Variants in PDE8B observed in about 807,000 individuals in gnomAD.
PDE8B encodes high affinity cAMP-specific and IBMX-insensitive 3',5'-cyclic phosphodiesterase 8B.
In PDE8B, 26 loss-of-function variants were observed where a neutral mutation model predicts 101.3. The observed-to-expected ratio is 0.26, with a 90% CI of 0.19 to 0.36. The LOEUF (loss-of-function observed/expected upper bound fraction) is 0.36. Ranked by LOEUF, PDE8B falls within the 10% of genes least tolerant of loss-of-function variation. The pLI is 1.00. For missense variants in PDE8B, 810 were observed against 1,163.1 expected, an observed-to-expected ratio of 0.70 and a Z score of 4.42; for synonymous variants, 424 against 429.3, an observed-to-expected ratio of 0.99 and a Z score of 0.15.
chr5:77,261,866 A>C (rs1168125747), intron 1 of PDE8B, among the ~76,000 whole-genome samples: 1 of 152,248 alleles, frequency 6.6e-6, no homozygotes, highest in Non-Finnish European at 1.5e-5. Flanking sequence ...GTGTGGATTC[A>C]GAGAAGTGCC....
chr5:77,281,079 GC>G, intron 1 of PDE8B, among the ~76,000 whole-genome samples: 1 of 152,330 alleles, frequency 6.6e-6, no homozygotes, highest in Non-Finnish European at 1.5e-5. Flanking sequence ...GCATGCGCAA[GC>G]CCCAGGCCAC....
intron 1 of PDE8B, among the ~76,000 whole-genome samples, chr5:77,277,928 A>G (rs891315269): frequency 6.6e-6 from 1 of 152,236 alleles, no homozygotes; most frequent in Non-Finnish European, 1.5e-5. Flanking sequence ...TAAGATGTAC[A>G]TAGAATGTAT....
the PDE8B span, among the ~76,000 whole-genome samples, chr5:77,191,736 C>T: frequency 4.6e-5 from 7 of 152,190 alleles, no homozygotes; most frequent in East Asian, 1.9e-4. Flanking sequence ...TTCCACAGAT[C>T]GAAGGTGGGG....
intron 1 of PDE8B, among the ~76,000 whole-genome samples, chr5:77,245,329 G>A (rs1280096851): frequency 6.6e-6 from 1 of 152,126 alleles, no homozygotes; most frequent in African/African-American, 2.4e-5. Context: ...TTTAGGGGGA[G>A]CATTAAAATA....
At chr5:77,287,553 G>A (rs147275340) in intron 1 of PDE8B, among the ~76,000 whole-genome samples, 170 of 144,104 alleles carry the variant, frequency 1.2e-3, no homozygotes, top group African/African-American at 4.2e-3. Flanking sequence ...TGTTCCTGAC[G>A]CGTTCTCTCT....
the PDE8B span, among the ~76,000 whole-genome samples, chr5:77,189,378 G>C: frequency 6.6e-6 from 1 of 152,128 alleles, no homozygotes; most frequent in African/African-American, 2.4e-5. Flanking sequence ...AGAGGAGAAA[G>C]GATGCAAGTG....
At position 77,406,596 on chromosome 5, in the gene PDE8B, G is replaced by A. The variant is rs373240711; in HGVS notation, c.1289-785G>A. Among the ~76,000 whole-genome samples, 643 of 152,232 alleles carry A rather than the reference G, an allele frequency of 4.2e-3. 3 individuals are homozygous for A. Among genetic ancestry groups the A allele is most frequent in the South Asian group, 9.1e-3 (44 of 4,820 alleles). On this transcript the variant is annotated intron_variant, in intron 12 of 21. Coordinates refer to ENST00000264917, the MANE Select transcript of PDE8B (RefSeq NM_003719.5). ...CTGCAATGGCTGCTGCACTAGCAGC[G>A]GGGGGACCCCAGAGGTGGCTGAGCA...
intron 8 of PDE8B, among the ~76,000 whole-genome samples, chr5:77,350,733 T>C (rs1261369422): frequency 1.3e-5 from 2 of 152,216 alleles, no homozygotes; most frequent in Non-Finnish European, 2.9e-5. Flanking sequence ...TAATGCCAAG[T>C]TCACAGATTG....
At position 77,308,479 on chromosome 5, in the gene PDE8B, C is replaced by T. The variant is rs143647906; in HGVS notation, c.340-3515C>T. ...AGAATGTCCCTTAGCAGCAACTTTA[C>T]AGCCCCACTTCCGGGCTCTGCTGTC... is the stretch of plus-strand genomic sequence containing the variant. On this transcript the variant is annotated intron_variant, in intron 1 of 21. Transcript: ENST00000264917. 2.1e-3 allele frequency among the ~76,000 whole-genome samples: 322 copies of T among 152,290 alleles called. 1 individual carries two copies. Among genetic ancestry groups the T allele is most frequent in the African/African-American group, 7.6e-3 (317 of 41,564 alleles).
intron 1 of PDE8B, among the ~76,000 whole-genome samples, chr5:77,272,836 G>T (rs912365977): frequency 2.6e-5 from 4 of 152,174 alleles, no homozygotes; most frequent in Admixed American, 2.6e-4. Context: ...AGGTTTCTGT[G>T]CTGGGAAGGG....
intron 1 of PDE8B, among the ~76,000 whole-genome samples, chr5:77,292,245 CTG>C (rs1767531614): frequency 6.6e-6 from 1 of 152,176 alleles, no homozygotes; most frequent in African/African-American, 2.4e-5. Flanking sequence ...GGTTCTCTGA[CTG>C]TGGCTGGGTG....
chr5:77,165,781 G>T, the PDE8B span, among the ~76,000 whole-genome samples: 1 of 152,008 alleles, frequency 6.6e-6, no homozygotes, highest in African/African-American at 2.4e-5. Context: ...CAAGCTGGGC[G>T]GATCACTTGA....
intron 1 of PDE8B, among the ~76,000 whole-genome samples, chr5:77,309,911 T>A (rs1465974409): frequency 1.4e-5 from 2 of 142,886 alleles, no homozygotes; most frequent in Non-Finnish European, 3.0e-5. Context: ...TGAGCCACCA[T>A]GCCCAACTGG....
chr5:77,166,226 T>TAAAAAAAAAAAAAAAAAAAAA, the PDE8B span, among the ~76,000 whole-genome samples: 1 of 116,374 alleles, frequency 8.6e-6, no homozygotes. Context: ...TCGGTAAAGA[T>TAAAAAAAAAAAAAAAAAAAAA]AAAAAAAAAA....
chr5:77,398,902 A>G (rs2150989624), intron 10 of PDE8B, among the ~76,000 whole-genome samples: 1 of 152,370 alleles, frequency 6.6e-6, no homozygotes, highest in East Asian at 1.9e-4. Flanking sequence ...ACCACACGTC[A>G]GAGTGGGCAG....
intron 1 of PDE8B, among the ~76,000 whole-genome samples, chr5:77,249,153 A>T (rs1757560873): frequency 6.6e-6 from 1 of 152,256 alleles, no homozygotes. Flanking sequence ...TAAATCTTCA[A>T]CAACAGAAGC....
intron 10 of PDE8B, among the ~76,000 whole-genome samples, chr5:77,398,175 T>C (rs892222550): frequency 6.6e-6 from 1 of 151,934 alleles, no homozygotes; most frequent in African/African-American, 2.4e-5. Context: ...GGTCAGAAGT[T>C]TTACAGAGAG....
the PDE8B span, among the ~76,000 whole-genome samples, chr5:77,167,298 G>A: frequency 1.8e-4 from 28 of 152,362 alleles, no homozygotes; most frequent in Non-Finnish European, 3.2e-4. Context: ...TGATAAGGAT[G>A]TGTTGGGTTG....
the PDE8B span, among the ~76,000 whole-genome samples, chr5:77,196,367 T>G: frequency 6.6e-6 from 1 of 152,192 alleles, no homozygotes; most frequent in Non-Finnish European, 1.5e-5. Flanking sequence ...TCATGAAAAT[T>G]TGTTCCTGTG....
Sources: allele counts gnomAD v4.1 joint callset (sites outside exome capture counted in the v4.1 genomes callset), GRCh38; gene constraint gnomAD v4.1.1; transcripts MANE v1.5; gene names NCBI Gene and HGNC (gene_info 2026-07-23, HGNC 2026-07-21).